The following PAH variants were observed in gnomAD, a reference collection of about 807,000 sequenced individuals.
PAH encodes the protein phenylalanine-4-hydroxylase.
Under a neutral mutation model 62.0 loss-of-function variants are expected in PAH, and 64 were observed. That is an observed-to-expected ratio of 1.03 (90% confidence interval 0.84 to 1.27). PAH has a LOEUF of 1.27. Among genes scored for constraint, PAH ranks in the 50% most tolerant of loss-of-function variants. PAH has a pLI of 0.00. For missense variants in PAH, 579 were observed against 542.8 expected (o/e 1.07, Z -0.66); for synonymous variants, 195 against 196.2 (o/e 0.99, Z 0.05).
chr12:102,928,139 T>TATTTTAA (rs1282927030), intron 1 of PAH, among the ~76,000 whole-genome samples: 1 of 152,162 alleles, frequency 6.6e-6, no homozygotes, highest in Non-Finnish European at 1.5e-5. Context: ...GATACGCTTT[T>TATTTTAA]ATTTTAAAAT....
intron 3 of PAH, among the ~76,000 whole-genome samples, chr12:102,890,111 T>A (rs1321613721): frequency 6.6e-6 from 1 of 152,214 alleles, no homozygotes; most frequent in Admixed American, 6.5e-5. Context: ...GGTGGGGAAC[T>A]TTCGCAATTA....
At position 102,844,799 on chromosome 12, in the gene PAH, G is replaced by T. The variant is rs565273698; in HGVS notation, c.970-368C>A. Among the ~76,000 whole-genome samples the T allele has an allele frequency of 2.6e-5, 4 of 152,214 alleles. No individual in the cohort carries two copies. The South Asian group carries it at 8.3e-4, about 32-fold the overall frequency. ...GGACTCGCACCCAACCACCACCCAG[G>T]GGTTCTCAGGCCTTTGGTCTCAGAC... On this transcript the variant is annotated intron_variant, in intron 9 of 12. Coordinates refer to ENST00000553106, the MANE Select transcript of PAH (RefSeq NM_000277.3).
In PAH at chr12:102,866,225, A is replaced by G. The variant is rs77644756; in HGVS notation, c.509+371T>C. On this transcript the variant is annotated intron_variant, in intron 5 of 12. Coordinates refer to ENST00000553106, the MANE Select transcript of PAH (RefSeq NM_000277.3). ...GCCAGCTCCTTCTTGAATGTAAATG[A>G]TTCTCTTTTTCCTTCTTCCCTGTTT... Among the ~76,000 whole-genome samples the G allele has an allele frequency of 2.0e-5, 3 of 152,222 alleles. No homozygotes were observed. In the East Asian group the frequency reaches 5.8e-4, roughly 29 times the overall value.
In PAH at chr12:102,866,596, T is replaced by A; in HGVS notation, c.509A>T (p.His170Leu). ...CCCTCAACAAGCAAGGCAGACTTAC[T>A]GGCGGTAGTTGTAGGCAATGTCAGC... is the stretch of plus-strand genomic sequence containing the variant. ...QFADIAYNYRHGQPIPRVEYM... is the reference protein window; with the variant it reads ...QFADIAYNYRLGQPIPRVEYM... The change falls in exon 5 of 13, where the codon CAT becomes CTT. Residue 170 changes from histidine to leucine, a missense_variant and splice_region_variant. Physicochemically the swap from His to Leu is moderately conservative, Grantham distance 99. Coordinates refer to ENST00000553106, the MANE Select transcript of PAH (RefSeq NM_000277.3). The A allele has an allele frequency of 1.2e-6, 2 of 1,612,490 alleles. No individual in the cohort carries two copies. The highest frequency in any genetic ancestry group is 1.7e-6 in the Non-Finnish European group (2 of 1,178,560).
At chr12:102,866,804 G>C in intron 4 of PAH, 141 bp from the exon 5 acceptor site, 2 of 745,654 alleles carry the variant, frequency 2.7e-6, no homozygotes, top group Non-Finnish European at 4.9e-6. Context: ...TAAAGTCTCG[G>C]TTAAACTTAG....
intron 1 of PAH, among the ~76,000 whole-genome samples, chr12:102,933,385 C>T (rs1878987439): frequency 2.0e-5 from 3 of 152,074 alleles, no homozygotes. Context: ...TGTTAATAGG[C>T]ATAGGTTGCT....
At chr12:102,916,743 T>TAA (rs758177546) in intron 1 of PAH, 3 of 394,974 alleles carry the variant, frequency 7.6e-6, no homozygotes, top group South Asian at 6.5e-5. Flanking sequence ...CCCTTCAGTG[T>TAA]ACAGAAGAGT....
chr12:102,918,423 A>C (rs1592991935), upstream of PAH, among the ~76,000 whole-genome samples: 1 of 151,778 alleles, frequency 6.6e-6, no homozygotes, highest in East Asian at 1.9e-4. Flanking sequence ...CTCTCCTCCC[A>C]CTGTTCTTTG....
intron 8 of PAH, among the ~76,000 whole-genome samples, chr12:102,849,095 GC>G (rs771275323): frequency 1.2e-4 from 19 of 152,180 alleles, no homozygotes; most frequent in Non-Finnish European, 2.2e-4. Context: ...AATGATAGTG[GC>G]TGAGACCAAG....
At chr12:102,921,670 T>C (rs1878554880), upstream of PAH, among the ~76,000 whole-genome samples, 1 of 152,212 alleles carries the variant, frequency 6.6e-6, no homozygotes, top group South Asian at 2.1e-4. Context: ...TTAATCTACC[T>C]GCATTGTAGA....
chr12:102,853,152 G>C (rs1158256443), intron 6 of PAH: 1 of 621,166 alleles, frequency 1.6e-6, no homozygotes, highest in African/African-American at 1.8e-5. Flanking sequence ...CTGAGCCTCA[G>C]TTTCCTCATC....
At chr12:102,945,702 C>A (rs1271809491) in intron 1 of PAH, among the ~76,000 whole-genome samples, 1 of 152,094 alleles carries the variant, frequency 6.6e-6, no homozygotes, top group Non-Finnish European at 1.5e-5. Flanking sequence ...GAGGAGTGGG[C>A]CCCCTCTGGC....
At position 102,890,675 on chromosome 12, in the gene PAH, C is replaced by A. The variant is rs116190271; in HGVS notation, c.352+4060G>T. ...AATGTCATCCCACTTCAAATATCAA[C>A]AACTTTGACATTTTGAGCAAGAAAG... On this transcript the variant is annotated intron_variant, in intron 3 of 12. Coordinates refer to ENST00000553106, the MANE Select transcript of PAH (RefSeq NM_000277.3). Among the ~76,000 whole-genome samples, 495 of 152,314 alleles carry A rather than the reference C, an allele frequency of 3.2e-3. 5 individuals carry two copies. Among genetic ancestry groups the A allele is most frequent in the African/African-American group, 0.012 (483 of 41,566 alleles).
intron 1 of PAH, among the ~76,000 whole-genome samples, chr12:102,941,597 C>A (rs961172153): frequency 3.3e-5 from 5 of 152,000 alleles, no homozygotes; most frequent in Admixed American, 3.3e-4. Context: ...TCAATTCAAC[C>A]AGAAGGCTTA....
intron 1 of PAH, among the ~76,000 whole-genome samples, chr12:102,948,089 T>C (rs1336444101): frequency 2.0e-5 from 3 of 152,144 alleles, no homozygotes. Flanking sequence ...TAAATGAAAC[T>C]GTGGGTGTTG....
intron 3 of PAH, among the ~76,000 whole-genome samples, chr12:102,883,642 A>C (rs1481695586): frequency 6.6e-6 from 1 of 152,204 alleles, no homozygotes; most frequent in African/African-American, 2.4e-5. Context: ...TGAGCTCTGC[A>C]CCTTGTCGCA....
intron 1 of PAH, among the ~76,000 whole-genome samples, chr12:102,933,457 A>G (rs1415675839): frequency 6.6e-6 from 1 of 152,162 alleles, no homozygotes; most frequent in African/African-American, 2.4e-5. Flanking sequence ...TTTCTCTTCA[A>G]CATTCTAATT....
At chr12:102,873,550 A>C (rs1876444762) in intron 4 of PAH, among the ~76,000 whole-genome samples, 1 of 152,222 alleles carries the variant, frequency 6.6e-6, no homozygotes, top group Non-Finnish European at 1.5e-5. Context: ...CTAGAGGGCT[A>C]GACTCAGATC....
At chr12:102,908,837 CTTTTTTTTTTTTT>C (rs3062641) in intron 2 of PAH, among the ~76,000 whole-genome samples, 1 of 119,998 alleles carries the variant, frequency 8.3e-6, no homozygotes, top group Admixed American at 9.7e-5. Flanking sequence ...CCTCATGTCT[CTTTTTTTTTTTTT>C]TTTTTTTTGA....
Sources: allele counts gnomAD v4.1 joint callset (sites outside exome capture counted in the v4.1 genomes callset), GRCh38; gene constraint gnomAD v4.1.1; transcripts MANE v1.5; gene names NCBI Gene and HGNC (gene_info 2026-07-23, HGNC 2026-07-21).